VGLL4: variants seen among roughly 807,000 people sequenced by gnomAD.
VGLL4 encodes transcription cofactor vestigial-like protein 4.
In VGLL4, 7 loss-of-function variants were observed where a neutral mutation model predicts 21.0. The observed-to-expected ratio is 0.33, with a 90% CI of 0.19 to 0.63. VGLL4 has a LOEUF of 0.63. Among genes scored for constraint, VGLL4 ranks in the 20% least tolerant of loss-of-function variants. The probability of loss-of-function intolerance (pLI) is 0.78; values close to 1 mark genes in which losing one functional copy is unlikely to be tolerated. For missense variants in VGLL4, 394 were observed against 425.7 expected (o/e 0.93, Z 0.66); for synonymous variants, 222 against 173.2 (o/e 1.28, Z -2.21).
At chr3:11,575,479 A>T (rs1430838945) in intron 2 of VGLL4, among the ~76,000 whole-genome samples, 1 of 152,114 alleles carries the variant, frequency 6.6e-6, no homozygotes, top group Non-Finnish European at 1.5e-5. Flanking sequence ...TTGAGACTGG[A>T]AGGAGCTCCG....
chr3:11,637,960 A>T (rs1370859291), intron 1 of VGLL4, among the ~76,000 whole-genome samples: 1 of 152,172 alleles, frequency 6.6e-6, no homozygotes, highest in East Asian at 1.9e-4. Context: ...CTAAATAGAA[A>T]CCGCCACTGA....
chr3:11,655,712 G>A (rs751551840), intron 2 of VGLL4, among the ~76,000 whole-genome samples: 1 of 152,242 alleles, frequency 6.6e-6, no homozygotes, highest in Non-Finnish European at 1.5e-5. Flanking sequence ...GGAGGAAACA[G>A]TGGGGTTTCC....
intron 2 of VGLL4, among the ~76,000 whole-genome samples, chr3:11,696,043 G>T (rs1459535674): frequency 6.6e-6 from 1 of 152,096 alleles, no homozygotes; most frequent in Non-Finnish European, 1.5e-5. Flanking sequence ...AGACATAGGC[G>T]ACAAAACAAC....
At position 11,679,192 on chromosome 3, in the gene VGLL4, G is replaced by A. The variant is rs538082673; in HGVS notation, c.64+23779C>T. On this transcript the variant is annotated intron_variant, in intron 2 of 5. Transcript: ENST00000273038. The stretch of plus-strand genomic sequence containing the variant: ...CAGGTCCCTCAGGAGGTGTCCAGAA[G>A]AAGGCATTGTTATCACAGGAGGTAA... 1.4e-3 allele frequency among the ~76,000 whole-genome samples: 217 copies of A among 152,276 alleles called. 1 individual carries two copies. The highest frequency in any genetic ancestry group is 4.1e-3 in the South Asian group (20 of 4,822).
chr3:11,678,987 A>G (rs1037423578), intron 2 of VGLL4, among the ~76,000 whole-genome samples: 1 of 152,194 alleles, frequency 6.6e-6, no homozygotes, highest in East Asian at 1.9e-4. Flanking sequence ...GTGTAAACAC[A>G]CCTGCGCTGC....
chr3:11,630,808 C>T (rs895817738), intron 1 of VGLL4, among the ~76,000 whole-genome samples: 6 of 152,062 alleles, frequency 3.9e-5, no homozygotes, highest in Admixed American at 6.6e-5. Context: ...TAAGTATTTA[C>T]CCAAAAGAAA....
chr3:11,718,844 G>A (rs773047159), intron 1 of VGLL4, among the ~76,000 whole-genome samples: 15 of 152,076 alleles, frequency 9.9e-5, no homozygotes, highest in Non-Finnish European at 1.8e-4. Context: ...ACTACAACTA[G>A]CAAACATACA....
At chr3:11,611,210 C>T (rs2075055121) in intron 1 of VGLL4, among the ~76,000 whole-genome samples, 1 of 152,112 alleles carries the variant, frequency 6.6e-6, no homozygotes. Context: ...GTTAAAGTCC[C>T]AAACCCCAGT....
intron 1 of VGLL4, among the ~76,000 whole-genome samples, chr3:11,619,806 G>T (rs2574717): frequency 0.42 from 63,124 of 152,012 alleles, 14,582 homozygotes; most frequent in South Asian, 0.61. Context: ...ATGTTACATT[G>T]TAAGAGGCCT....
chr3:11,608,184 C>T (rs1195508781), intron 1 of VGLL4, among the ~76,000 whole-genome samples: 1 of 152,288 alleles, frequency 6.6e-6, no homozygotes, highest in Admixed American at 6.5e-5. Context: ...TGAGTAACCC[C>T]GTATTTTAAG....
chr3:11,611,227 G>A (rs2075055537), intron 1 of VGLL4, among the ~76,000 whole-genome samples: 2 of 152,192 alleles, frequency 1.3e-5, no homozygotes, highest in African/African-American at 4.8e-5. Flanking sequence ...CAGTACTGCA[G>A]AGAACATGGC....
intron 1 of VGLL4, chr3:11,633,703 G>A (rs1406109939): frequency 6.6e-6 from 1 of 152,250 alleles, no homozygotes; most frequent in South Asian, 2.1e-4. Flanking sequence ...AAAGAAGGCA[G>A]AGGAGAGGAG....
rs946678658 is a variant in VGLL4 at position 11,641,060 on chromosome 3, T to G, written c.82+2377A>C. On this transcript the variant is annotated intron_variant, in intron 1 of 4. Coordinates refer to ENST00000430365, the MANE Select transcript of VGLL4 (RefSeq NM_001128219.3). ...TGAACCCGGGAGGCAGAGGTTGCAG[T>G]GAGCCAAGATCGCGCCATTGCACTC... 2.1e-5 allele frequency among the ~76,000 whole-genome samples: 3 copies of G among 140,720 alleles called. No homozygotes were observed. The East Asian group carries it at 6.2e-4, about 29-fold the overall frequency. 92.3% of individuals were successfully genotyped at this position (140,720 alleles called of 152,430 possible).
chr3:11,682,570 T>C (rs555951703), intron 2 of VGLL4, among the ~76,000 whole-genome samples: 79 of 152,240 alleles, frequency 5.2e-4, no homozygotes, highest in African/African-American at 1.6e-3. Flanking sequence ...AGAGTGAGAC[T>C]TTCTCCGATG....
intron 2 of VGLL4, among the ~76,000 whole-genome samples, chr3:11,685,693 G>A (rs995721065): frequency 2.6e-5 from 4 of 152,162 alleles, no homozygotes; most frequent in Non-Finnish European, 5.9e-5. Flanking sequence ...TTCATCTGAT[G>A]AGAGTCTAGT....
chr3:11,603,735 G>C (rs2074862234), intron 1 of VGLL4, among the ~76,000 whole-genome samples: 1 of 152,088 alleles, frequency 6.6e-6, no homozygotes, highest in South Asian at 2.1e-4. Context: ...AGGGGATGAG[G>C]AGTCCTCGGG....
chr3:11,646,246 TATAC>T (rs1447988915), upstream of VGLL4, among the ~76,000 whole-genome samples: 3 of 152,244 alleles, frequency 2.0e-5, no homozygotes, highest in Admixed American at 2.0e-4. Context: ...TAACATCCAG[TATAC>T]ATGAGATCAT....
At chr3:11,578,748 CTTTTT>C (rs71044228) in intron 2 of VGLL4, among the ~76,000 whole-genome samples, 16 of 104,708 alleles carry the variant, frequency 1.5e-4, no homozygotes, top group South Asian at 3.3e-4. Flanking sequence ...TGTATATTTT[CTTTTT>C]TTTTTTTTTT....
At chr3:11,582,819 G>A (rs1222539053) in intron 2 of VGLL4, among the ~76,000 whole-genome samples, 2 of 152,140 alleles carry the variant, frequency 1.3e-5, no homozygotes, top group Non-Finnish European at 2.9e-5. Context: ...TGCTGCAGCC[G>A]CAACTACAGT....
Sources: gnomAD v4.1 joint callset for allele counts (sites outside exome capture counted in the v4.1 genomes callset) on GRCh38, gnomAD v4.1.1 for gene constraint, MANE v1.5 for transcripts, NCBI Gene and HGNC (gene_info 2026-07-23, HGNC 2026-07-21) for gene names.